Variants in ASTN1 observed in about 807,000 individuals in gnomAD.
ASTN1 encodes the protein astrotactin 1, also known as astrotactin-1.
ASTN1 carries 41 observed loss-of-function variants against 140.7 expected under a neutral mutation model. The observed-to-expected ratio is 0.29, with a 90% CI of 0.23 to 0.38. ASTN1 has a LOEUF of 0.38. Ranked by LOEUF, ASTN1 falls within the 10% of genes least tolerant of loss-of-function variation. The pLI is 1.00. For synonymous variants in ASTN1, 640 were observed against 652.2 expected, an observed-to-expected ratio of 0.98 and a Z score of 0.29; for missense variants, 1,479 against 1,678.8, an observed-to-expected ratio of 0.88 and a Z score of 2.08.
In ASTN1 at chr1:177,032,773, C is replaced by T. The variant is rs1332286807; in HGVS notation, c.548G>A (p.Arg183His). 10 of 1,613,280 alleles carry T rather than the reference C, an allele frequency of 6.2e-6. 1 individual carries two copies. The South Asian group carries it at 9.9e-5, about 16-fold the overall frequency. ...CTTCTGGGGCTGCGGGACCCGGCGG[C>T]GTTTGCACCAGCGCCGGCGAGTATA... Reference protein sequence around the residue: ...ILYTRRRWCKRRRVPQPQKSA... With the variant: ...ILYTRRRWCKHRRVPQPQKSA... Residue 183 changes from arginine (R) to histidine (H), a missense_variant, in exon 3 of 23, where the codon CGC becomes CAC. Physicochemically the swap from Arg to His is conservative, Grantham distance 29. Coordinates refer to ENST00000361833, the MANE Select transcript of ASTN1 (RefSeq NM_004319.3).
At chr1:176,885,732 A>C (rs913396818) in intron 18 of ASTN1, among the ~76,000 whole-genome samples, 1 of 152,196 alleles carries the variant, frequency 6.6e-6, no homozygotes, top group Admixed American at 6.5e-5. Context: ...TCCATTTGCT[A>C]CTGGGGATGC....
chr1:177,026,568 C>T (rs1442166914), intron 5 of ASTN1, among the ~76,000 whole-genome samples: 1 of 152,112 alleles, frequency 6.6e-6, no homozygotes, highest in African/African-American at 2.4e-5. Context: ...TATTTTTAGT[C>T]TTCTGAGGGA....
chr1:176,973,680 T>A (rs1040809222), intron 8 of ASTN1, among the ~76,000 whole-genome samples: 3 of 152,162 alleles, frequency 2.0e-5, no homozygotes, highest in African/African-American at 7.2e-5. Context: ...CCTCAGCACA[T>A]GATGTGCTTC....
chr1:176,936,189 G>A (rs1046658083), intron 15 of ASTN1, 77 bp downstream of exon 15: 1 of 1,305,412 alleles, frequency 7.7e-7, no homozygotes, highest in South Asian at 1.2e-5. Context: ...TCGACAGTGG[G>A]ACCAAAGGCT....
At position 177,156,176 on chromosome 1, in the gene ASTN1, A is replaced by G. The variant is rs556797272; in HGVS notation, c.283+8218T>C. ...TCCCAGCTACTCAGGAAGCTGAGGC[A>G]GGAGAATTGCTTAAACCCAGGAGGC... On this transcript the variant is annotated intron_variant, in intron 1 of 22. Transcript: ENST00000361833. Among the ~76,000 whole-genome samples the G allele has an allele frequency of 6.6e-5, 10 of 151,758 alleles. No individual in the cohort carries two copies. The South Asian group carries it at 2.1e-3, about 32-fold the overall frequency.
At chr1:176,951,035 T>A (rs1672171202) in intron 11 of ASTN1, among the ~76,000 whole-genome samples, 1 of 152,222 alleles carries the variant, frequency 6.6e-6, no homozygotes, top group Non-Finnish European at 1.5e-5. Context: ...GGATATGCAC[T>A]GTTTGCTAAC....
chr1:176,997,261 A>G (rs905282697), intron 8 of ASTN1, among the ~76,000 whole-genome samples: 1 of 152,168 alleles, frequency 6.6e-6, no homozygotes, highest in Non-Finnish European at 1.5e-5. Context: ...CCTAGTTCAC[A>G]GGGGAGGATG....
chr1:176,901,712 G>T (rs1474390675), intron 16 of ASTN1, among the ~76,000 whole-genome samples: 1 of 152,156 alleles, frequency 6.6e-6, no homozygotes, highest in Non-Finnish European at 1.5e-5. Context: ...CACACAAGGA[G>T]CCCTTCCCAG....
chr1:176,870,955 G>A (rs1668317707), intron 21 of ASTN1, among the ~76,000 whole-genome samples: 1 of 152,140 alleles, frequency 6.6e-6, no homozygotes, highest in Non-Finnish European at 1.5e-5. Flanking sequence ...TTGGGAAAAG[G>A]CCAAGTTACC....
chr1:177,008,877 C>T (rs1381071183), intron 8 of ASTN1, among the ~76,000 whole-genome samples: 1 of 152,032 alleles, frequency 6.6e-6, no homozygotes, highest in Non-Finnish European at 1.5e-5. Flanking sequence ...AAAGAAACAG[C>T]CATAGTCTGG....
intron 1 of ASTN1, among the ~76,000 whole-genome samples, chr1:177,073,294 A>AT (rs904748520): frequency 1.3e-5 from 2 of 151,946 alleles, no homozygotes; most frequent in Non-Finnish European, 2.9e-5. Flanking sequence ...ACTGTTTAGT[A>AT]TTTTTTTGTT....
chr1:177,117,667 A>C (rs1455270046), intron 1 of ASTN1, among the ~76,000 whole-genome samples: 1 of 152,138 alleles, frequency 6.6e-6, no homozygotes, highest in Admixed American at 6.5e-5. Context: ...TATGTCCCAA[A>C]ATTAAATGCC....
rs145270534 is a variant in ASTN1 at position 177,058,167 on chromosome 1, C to T, written c.471+2911G>A. Reference sequence around the variant, plus strand: ...GCTGCAGTAGGCTCCACTAACCAAACCATCTTTGACAGGGAAAGGAGCGGG... The same window carrying T: ...GCTGCAGTAGGCTCCACTAACCAAATCATCTTTGACAGGGAAAGGAGCGGG... On this transcript the variant is annotated intron_variant, in intron 2 of 22. Coordinates refer to ENST00000361833, the MANE Select transcript of ASTN1 (RefSeq NM_004319.3). Among the ~76,000 whole-genome samples, 7 of 152,220 alleles carry T rather than the reference C, an allele frequency of 4.6e-5. No individual in the cohort carries two copies. The East Asian group carries it at 1.4e-3, about 29-fold the overall frequency.
intron 14 of ASTN1, among the ~76,000 whole-genome samples, chr1:176,940,377 A>T (rs1571541320): frequency 6.6e-6 from 1 of 151,974 alleles, no homozygotes; most frequent in East Asian, 1.9e-4. Flanking sequence ...ACACCAAACA[A>T]CCCGGACTTG....
intron 2 of ASTN1, among the ~76,000 whole-genome samples, chr1:177,046,680 C>T (rs537761929): frequency 7.2e-5 from 11 of 152,322 alleles, no homozygotes; most frequent in African/African-American, 2.6e-4. Context: ...CATGCACACA[C>T]ATGCAGAGGG....
intron 8 of ASTN1, among the ~76,000 whole-genome samples, chr1:176,987,711 T>C (rs550293102): frequency 6.6e-6 from 1 of 152,328 alleles, no homozygotes; most frequent in South Asian, 2.1e-4. Flanking sequence ...CCCAGGCTCT[T>C]TCTTTCTTTT....
intron 14 of ASTN1, among the ~76,000 whole-genome samples, chr1:176,940,939 T>C (rs953199119): frequency 2.6e-5 from 4 of 152,220 alleles, no homozygotes; most frequent in African/African-American, 7.2e-5. Context: ...GTGTTGTCTA[T>C]TGCTGAGAGG....
At chr1:177,006,310 A>G (rs1192596223) in intron 8 of ASTN1, among the ~76,000 whole-genome samples, 3 of 152,172 alleles carry the variant, frequency 2.0e-5, no homozygotes, top group Non-Finnish European at 4.4e-5. Context: ...CAAGCATTTC[A>G]TGTATAGAAA....
chr1:177,061,366 G>T, intron 1 of ASTN1, 101 bp from the exon 2 acceptor site: 1 of 1,181,558 alleles, frequency 8.5e-7, no homozygotes. Flanking sequence ...TTCGTCTGAA[G>T]CCAACAGAAG....
Sources: allele counts gnomAD v4.1 joint callset (sites outside exome capture counted in the v4.1 genomes callset), GRCh38; gene constraint gnomAD v4.1.1; transcripts MANE v1.5; gene names NCBI Gene and HGNC (gene_info 2026-07-23, HGNC 2026-07-21).